ALCAM: variants seen among roughly 807,000 people sequenced by gnomAD.
ALCAM encodes the protein activated leukocyte cell adhesion molecule, also known as CD166 antigen.
ALCAM carries 30 observed loss-of-function variants against 70.9 expected under a neutral mutation model. The observed-to-expected ratio is 0.42, with a 90% CI of 0.32 to 0.57. The LOEUF (loss-of-function observed/expected upper bound fraction) is 0.57. ALCAM is among the 20% of genes least tolerant of loss of function. ALCAM has a pLI of 0.11. For synonymous variants in ALCAM, 249 were observed against 242.5 expected, an observed-to-expected ratio of 1.03 and a Z score of -0.25; for missense variants, 591 against 695.1, an observed-to-expected ratio of 0.85 and a Z score of 1.68.
At chr3:105,460,075 A>G (rs1274712052) in intron 1 of ALCAM, among the ~76,000 whole-genome samples, 6 of 152,108 alleles carry the variant, frequency 3.9e-5, no homozygotes, top group African/African-American at 1.4e-4. Context: ...GGAAGGAAGC[A>G]GTCAAAGTGA....
At chr3:105,536,296 G>T (rs1296521080) in intron 6 of ALCAM, among the ~76,000 whole-genome samples, 1 of 151,978 alleles carries the variant, frequency 6.6e-6, no homozygotes, top group African/African-American at 2.4e-5. Context: ...GTTCCACCAT[G>T]TTGGTCAGGT....
Position 105,367,380 on chromosome 3 carries a change from TCAGTGGC to T in ALCAM, c.-27_-21del, listed in dbSNP as rs1935088937. 1 of 1,612,206 alleles carries T rather than the reference TCAGTGGC, an allele frequency of 6.2e-7. No individual in the cohort carries two copies. The highest frequency in any genetic ancestry group is 1.3e-5 in the African/African-American group (1 of 74,822). ...GCCCCCTCCTGCGGCGTGGACTCCG[TCAGTGGC>T]CCACCAAGAAGGAGGAGGAATATGG... On this transcript the variant is annotated 5_prime_UTR_variant, in exon 1 of 16. Transcript: ENST00000306107.
At chr3:105,402,648 C>T (rs1236810328) in intron 1 of ALCAM, among the ~76,000 whole-genome samples, 4 of 152,066 alleles carry the variant, frequency 2.6e-5, no homozygotes, top group African/African-American at 7.2e-5. Context: ...CTGTATGACT[C>T]AGCAGAGGCA....
rs1198568773 is a variant in ALCAM, at chr3:105,367,300, G to C, written c.-109G>C. ...GGGGACGGTGTGTCTGGGAGAAGAC[G>C]CTGCCCCTGCGTCGGGACCCGCCAG... On this transcript the variant is annotated 5_prime_UTR_variant, in exon 1 of 16. Coordinates refer to ENST00000306107, the MANE Select transcript of ALCAM (RefSeq NM_001627.4). 2.8e-6 allele frequency: 3 copies of C among 1,056,212 alleles called. No individual in the cohort carries two copies. The highest frequency in any genetic ancestry group is 4.2e-6 in the Non-Finnish European group (3 of 706,442). 65.4% of individuals were successfully genotyped at this position (1,056,212 alleles called of 1,614,324 possible).
chr3:105,407,933 A>G (rs775231480), intron 1 of ALCAM, among the ~76,000 whole-genome samples: 10 of 152,188 alleles, frequency 6.6e-5, no homozygotes, highest in Non-Finnish European at 1.2e-4. Flanking sequence ...CTGAGAATCA[A>G]ATCAAGAACT....
chr3:105,414,225 T>G (rs1019131034), intron 1 of ALCAM, among the ~76,000 whole-genome samples: 1 of 142,952 alleles, frequency 7.0e-6, no homozygotes, highest in African/African-American at 2.6e-5. Flanking sequence ...ACCGATGGAA[T>G]GATGAAATTC....
chr3:105,398,218 G>A (rs183387011), intron 1 of ALCAM, among the ~76,000 whole-genome samples: 27 of 152,208 alleles, frequency 1.8e-4, no homozygotes, highest in Admixed American at 1.3e-3. Flanking sequence ...AGAGGAGGCA[G>A]TGCTGTCTAT....
At chr3:105,574,369 G>C (rs918392405) in intron 15 of ALCAM, 108 bp from the exon 16 acceptor site, 8 of 152,052 alleles carry the variant, frequency 5.3e-5, no homozygotes, top group African/African-American at 1.9e-4. Flanking sequence ...TTTATAAAAG[G>C]CCCTCCTGTA....
At chr3:105,554,686 G>A (rs537175472) in intron 14 of ALCAM, among the ~76,000 whole-genome samples, 18 of 151,952 alleles carry the variant, frequency 1.2e-4, no homozygotes, top group Non-Finnish European at 2.2e-4. Context: ...GAAGACCTGT[G>A]CTATGTAAGT....
intron 1 of ALCAM, among the ~76,000 whole-genome samples, chr3:105,382,045 C>T (rs914882628): frequency 1.3e-5 from 2 of 150,672 alleles, no homozygotes; most frequent in African/African-American, 4.9e-5. Flanking sequence ...CCCATTAACT[C>T]GTCATTTAGC....
At chr3:105,484,137 T>C (rs1938353920) in intron 1 of ALCAM, among the ~76,000 whole-genome samples, 2 of 151,864 alleles carry the variant, frequency 1.3e-5, no homozygotes, top group South Asian at 2.1e-4. Context: ...TAGACAAATA[T>C]AGCCATTGTA....
At chr3:105,554,869 G>A (rs1305360749) in intron 14 of ALCAM, among the ~76,000 whole-genome samples, 2 of 151,620 alleles carry the variant, frequency 1.3e-5, no homozygotes, top group Non-Finnish European at 2.9e-5. Context: ...TATGACTTCT[G>A]AATACTCCAC....
intron 1 of ALCAM, among the ~76,000 whole-genome samples, chr3:105,485,621 T>C (rs1238042371): frequency 6.6e-6 from 1 of 152,050 alleles, no homozygotes; most frequent in African/African-American, 2.4e-5. Flanking sequence ...TTATTACTAT[T>C]ATCATCTGTG....
At chr3:105,527,493 G>A (rs1023485865) in intron 3 of ALCAM, among the ~76,000 whole-genome samples, 13 of 152,040 alleles carry the variant, frequency 8.6e-5, no homozygotes, top group African/African-American at 3.1e-4. Flanking sequence ...TCTTGTTCAT[G>A]AGTTAATGAA....
intron 6 of ALCAM, among the ~76,000 whole-genome samples, chr3:105,535,578 C>A (rs1417582021): frequency 1.3e-5 from 2 of 151,988 alleles, no homozygotes; most frequent in African/African-American, 4.8e-5. Flanking sequence ...AAATATAATA[C>A]CTAACTGATA....
chr3:105,372,916 A>C (rs984766461), intron 1 of ALCAM, among the ~76,000 whole-genome samples: 1 of 152,158 alleles, frequency 6.6e-6, no homozygotes, highest in Non-Finnish European at 1.5e-5. Flanking sequence ...GTTCATTCAC[A>C]GGAAAACATA....
At chr3:105,427,789 A>G (rs1486545437) in intron 1 of ALCAM, among the ~76,000 whole-genome samples, 2 of 151,880 alleles carry the variant, frequency 1.3e-5, no homozygotes, top group South Asian at 2.1e-4. Context: ...GTGCTTTTTA[A>G]TATTCTTCTT....
intron 14 of ALCAM, among the ~76,000 whole-genome samples, chr3:105,566,870 C>T (rs1299915882): frequency 2.0e-5 from 3 of 151,954 alleles, no homozygotes; most frequent in African/African-American, 7.3e-5. Context: ...TTCTTTCTTA[C>T]GTATCTGAAT....
In ALCAM at chr3:105,571,883, G is replaced by A. The variant is rs1021903752; in HGVS notation, c.1696G>A (p.Gly566Ser). ...ATCAAAACATGTAAACAAGGACCTC[G>A]GTAATATGGAAGAAAACAAAAAGTT... Reference protein sequence around the residue: ...TASKHVNKDLGNMEENKKLEE... With the variant: ...TASKHVNKDLSNMEENKKLEE... The change falls in exon 15 of 16, where the codon GGT becomes AGT. Residue 566 changes from glycine to serine, a missense_variant. Gly to Ser is a moderately conservative substitution (Grantham distance 56). Transcript: ENST00000306107. 2 of 1,612,676 alleles carry A rather than the reference G, an allele frequency of 1.2e-6. No homozygotes were observed. Among genetic ancestry groups the A allele is most frequent in the Non-Finnish European group, 1.7e-6 (2 of 1,179,224 alleles).
Sources: allele counts gnomAD v4.1 joint callset (sites outside exome capture counted in the v4.1 genomes callset), GRCh38; gene constraint gnomAD v4.1.1; transcripts MANE v1.5; gene names NCBI Gene and HGNC (gene_info 2026-07-23, HGNC 2026-07-21).